Variants in EML6 observed in about 807,000 individuals in gnomAD.
EML6 encodes the protein echinoderm microtubule-associated protein-like 6.
Under a neutral mutation model 240.1 loss-of-function variants are expected in EML6, and 154 were observed. The observed-to-expected ratio is 0.64, with a 90% CI of 0.56 to 0.73. The LOEUF (loss-of-function observed/expected upper bound fraction) is 0.73, where lower values mean the gene tolerates loss of function less well. Ranked by LOEUF, EML6 falls within the 30% of genes least tolerant of loss-of-function variation. The probability of loss-of-function intolerance (pLI) is 0.00; values close to 1 mark genes in which losing one functional copy is unlikely to be tolerated. For missense variants in EML6, 2,964 were observed against 2,474.6 expected, an observed-to-expected ratio of 1.20 and a Z score of -4.20; for synonymous variants, 1,148 against 899.0, an observed-to-expected ratio of 1.28 and a Z score of -4.95.
chr2:54,843,216 C>T (rs1321328432), intron 7 of EML6, among the ~76,000 whole-genome samples: 2 of 152,144 alleles, frequency 1.3e-5, no homozygotes, highest in African/African-American at 4.8e-5. Flanking sequence ...AAAATACATT[C>T]TACTGTTTAA....
At chr2:54,879,028 ATTT>A (rs1484785939) in intron 16 of EML6, among the ~76,000 whole-genome samples, 3 of 152,210 alleles carry the variant, frequency 2.0e-5, no homozygotes, top group African/African-American at 7.2e-5. Flanking sequence ...TTTTGAAAGA[ATTT>A]TTTAAGTTAA....
In EML6 at chr2:54,950,679, C is replaced by T; in HGVS notation, c.4113C>T (p.Tyr1371=). 6.4e-7 allele frequency: 1 copy of T among 1,551,622 alleles called. No homozygotes were observed. The highest frequency in any genetic ancestry group is 1.2e-5 in the South Asian group (1 of 84,058). The change falls in exon 30 of 42, where the codon TAC becomes TAT. Residue 1371 remains tyrosine, a synonymous_variant. Transcript: ENST00000356458. ...EELALDHVFG[Y]RGFDCRNNLH... ...TGGCTCTAGACCACGTGTTTGGCTA[C>T]AGAGGTTTCGACTGTCGAAATAACC...
At chr2:54,788,397 G>T (rs908630827) in intron 2 of EML6, among the ~76,000 whole-genome samples, 1 of 152,206 alleles carries the variant, frequency 6.6e-6, no homozygotes. Context: ...ATCTACAAGG[G>T]TGGCTGCCAC....
At chr2:54,857,126 G>A (rs771136709) in intron 11 of EML6, among the ~76,000 whole-genome samples, 2 of 152,194 alleles carry the variant, frequency 1.3e-5, no homozygotes, top group African/African-American at 4.8e-5. Context: ...TTTGTCTCTG[G>A]GAGTGCACAT....
intron 2 of EML6, among the ~76,000 whole-genome samples, chr2:54,797,327 C>A (rs1034827244): frequency 6.6e-6 from 1 of 152,046 alleles, no homozygotes; most frequent in Non-Finnish European, 1.5e-5. Flanking sequence ...TAACAGCCAT[C>A]GGAGTTCAAA....
intron 2 of EML6, among the ~76,000 whole-genome samples, chr2:54,747,802 A>G (rs908520073): frequency 4.6e-5 from 7 of 152,194 alleles, no homozygotes; most frequent in African/African-American, 1.4e-4. Context: ...AAAAACTTTG[A>G]GATACATGTG....
chr2:54,890,239 G>A (rs568842797), intron 17 of EML6, among the ~76,000 whole-genome samples: 1 of 152,100 alleles, frequency 6.6e-6, no homozygotes, highest in Non-Finnish European at 1.5e-5. Context: ...CTAATGTATT[G>A]TTTTTAATAT....
chr2:54,833,677 T>G (rs1039243177), intron 7 of EML6, among the ~76,000 whole-genome samples: 5 of 152,162 alleles, frequency 3.3e-5, no homozygotes, highest in African/African-American at 1.2e-4. Context: ...CATCCCTCAG[T>G]GAAAGGGAAT....
chr2:54,903,338 G>C (rs1336852522), intron 23 of EML6, 33 bp from the exon 24 acceptor site: 1 of 1,545,216 alleles, frequency 6.5e-7, no homozygotes, highest in Non-Finnish European at 8.7e-7. Context: ...TATATAAAAT[G>C]CTTCGATGTT....
Position 54,724,457 on chromosome 2 carries a change from A to C in EML6, c.-513-92A>C, listed in dbSNP as rs1221546737. ...AGGGGACAATTTTTAAAAATACCCA[A>C]CTTGGTTTAGTTTGGGGATAATTTT... is the stretch of plus-strand genomic sequence containing the variant. On this transcript the variant is annotated intron_variant, in intron 1 of 41. Transcript: ENST00000356458. The surrounding 1 kb of genome is among the most constrained non-coding windows in gnomAD (Gnocchi z 5.2). 6.6e-6 allele frequency: 1 copy of C among 151,824 alleles called. No homozygotes were observed. Among genetic ancestry groups the C allele is most frequent in the African/African-American group, 2.4e-5 (1 of 41,328 alleles). 9.4% of individuals were successfully genotyped at this position (151,824 alleles called of 1,614,324 possible).
At chr2:54,890,422 G>A (rs1672403264) in intron 17 of EML6, among the ~76,000 whole-genome samples, 1 of 152,078 alleles carries the variant, frequency 6.6e-6, no homozygotes, top group Non-Finnish European at 1.5e-5. Flanking sequence ...CAAGTCTACA[G>A]CCCAGGTCTA....
intron 30 of EML6, among the ~76,000 whole-genome samples, chr2:54,951,167 C>G (rs963114723): frequency 6.6e-6 from 1 of 152,234 alleles, no homozygotes; most frequent in East Asian, 1.9e-4. Flanking sequence ...TTTTTAACAG[C>G]TCAGATTTTT....
At chr2:54,902,447 T>A (rs527796964) in intron 22 of EML6, among the ~76,000 whole-genome samples, 50 of 152,220 alleles carry the variant, frequency 3.3e-4, no homozygotes, top group Non-Finnish European at 6.6e-4. Context: ...TCATCCAGTC[T>A]GGAGTGCCAT....
chr2:54,959,259 G>A lies in EML6; in HGVS notation c.4851G>A (p.Arg1617=). Reference sequence around the variant, plus strand: ...TCATAGTGACCGGCGGAAAAGAGAGGCCGTAAGCCAAAGCTCCTATGGAAA... The same window carrying A: ...TCATAGTGACCGGCGGAAAAGAGAGACCGTAAGCCAAAGCTCCTATGGAAA... ...DGLIVTGGKE[R]PTKEGGAVKL... is the part of the protein sequence containing the mutation. The change falls in exon 34 of 42, where the codon AGG becomes AGA. Residue 1617 remains arginine (R), a splice_region_variant and synonymous_variant. Coordinates refer to ENST00000356458, the MANE Select transcript of EML6 (RefSeq NM_001039753.4). 6.5e-7 allele frequency: 1 copy of A among 1,527,370 alleles called. No homozygotes were observed. Among genetic ancestry groups the A allele is most frequent in the East Asian group, 2.5e-5 (1 of 40,106 alleles). The allele number at this position is 1,527,370 out of a possible 1,614,324, so 94.6% of individuals were successfully genotyped here.
chr2:54,882,873 A>AAAAAAAAAAAAAGAG (rs796515025), intron 17 of EML6: 14 of 112,370 alleles, frequency 1.2e-4, no homozygotes, highest in African/African-American at 4.2e-4. Context: ...AAAAAAAAAA[A>AAAAAAAAAAAAAGAG]AGAAAGCTTA....
At chr2:54,733,077 T>A (rs1683242903) in intron 2 of EML6, among the ~76,000 whole-genome samples, 1 of 152,214 alleles carries the variant, frequency 6.6e-6, no homozygotes, top group Admixed American at 6.5e-5. Flanking sequence ...CAACTAGAAT[T>A]TGAAGGATTC....
intron 2 of EML6, among the ~76,000 whole-genome samples, chr2:54,791,064 G>A (rs1669422785): frequency 6.6e-6 from 1 of 152,144 alleles, no homozygotes; most frequent in South Asian, 2.1e-4. Context: ...ACAGTCACAG[G>A]CCTAAGTTAT....
chr2:54,892,782 T>C lies in EML6; in HGVS notation c.2742+126T>C, dbSNP rs141246596. ...TGTCTGAATTAGGAAGTAGTTGTCA[T>C]AAAGCTCAGTCAAGAGACAATAGGG... On this transcript the variant is annotated intron_variant, in intron 19 of 41. Transcript: ENST00000356458. The C allele has an allele frequency of 7.1e-4, 487 of 687,510 alleles. 5 individuals carry two copies. In the East Asian group the frequency reaches 0.012, roughly 17 times the overall value. 42.6% of individuals were successfully genotyped at this position (687,510 alleles called of 1,614,324 possible).
intron 2 of EML6, among the ~76,000 whole-genome samples, chr2:54,779,288 C>G (rs1217502053): frequency 6.6e-6 from 1 of 151,932 alleles, no homozygotes; most frequent in African/African-American, 2.4e-5. Context: ...CCTATAATCC[C>G]AGCACTTTGG....
Sources: allele counts gnomAD v4.1 joint callset (sites outside exome capture counted in the v4.1 genomes callset), GRCh38; gene constraint gnomAD v4.1.1; non-coding constraint Gnocchi (gnomAD v3.1); transcripts MANE v1.5; gene names NCBI Gene and HGNC (gene_info 2026-07-23, HGNC 2026-07-21).